IQCH: variants seen among roughly 807,000 people sequenced by gnomAD.
IQCH encodes the protein IQ motif containing H.
IQCH carries 98 observed loss-of-function variants against 117.0 expected under a neutral mutation model. That is an observed-to-expected ratio of 0.84 (90% CI 0.71 to 0.99). IQCH has a LOEUF of 0.99. Among genes scored for constraint, IQCH ranks in the 50% least tolerant of loss-of-function variants. The pLI, the probability that IQCH is intolerant of heterozygous loss-of-function variation, is 0.00. For synonymous variants in IQCH, 412 were observed against 448.2 expected (o/e 0.92, Z 1.02); for missense variants, 1,102 against 1,243.8 (o/e 0.89, Z 1.72).
intron 4 of IQCH, among the ~76,000 whole-genome samples, chr15:67,320,880 C>T (rs947276881): frequency 6.6e-6 from 1 of 152,072 alleles, no homozygotes; most frequent in Non-Finnish European, 1.5e-5. Flanking sequence ...TAAAGATAGT[C>T]AGACTGATTT....
In IQCH at chr15:67,461,047, G is replaced by C. The variant is rs557404213; in HGVS notation, c.2506-4080G>C. On this transcript the variant is annotated intron_variant, in intron 16 of 20. Transcript: ENST00000335894. ...AAGAGTACCTAGTGCTGAGAGATTA[G>C]ATTCTAAAGTTACCATCAGAGTCCC... 1.8e-4 allele frequency among the ~76,000 whole-genome samples: 28 copies of C among 152,290 alleles called. 1 individual carries two copies. Among genetic ancestry groups the C allele is most frequent in the Admixed American group, 1.6e-3 (25 of 15,298 alleles).
rs112706145 is a variant in IQCH at position 67,351,743 on chromosome 15, G to C, written c.638-5602G>C. Among the ~76,000 whole-genome samples the C allele has an allele frequency of 5.7e-3, 864 of 151,998 alleles. 7 individuals are homozygous for C. The highest frequency in any genetic ancestry group is 0.02 in the African/African-American group (816 of 41,442). On this transcript the variant is annotated intron_variant, in intron 6 of 20. Transcript: ENST00000335894. ...ACTGTCCTTCATTATCTCTATAATTGCTTTTTAGCATAAATAGCATTTTGT... is the reference window on the plus strand; with the variant it reads ...ACTGTCCTTCATTATCTCTATAATTCCTTTTTAGCATAAATAGCATTTTGT...
chr15:67,283,240 A>G (rs1966435440), intron 4 of IQCH, among the ~76,000 whole-genome samples: 1 of 152,180 alleles, frequency 6.6e-6, no homozygotes, highest in African/African-American at 2.4e-5. Flanking sequence ...ACCCAATCCC[A>G]TGAGGCAACC....
At chr15:67,379,930 G>A (rs1018857644) in intron 10 of IQCH, among the ~76,000 whole-genome samples, 14 of 151,924 alleles carry the variant, frequency 9.2e-5, no homozygotes, top group East Asian at 3.9e-4. Flanking sequence ...TCAGCTCACC[G>A]CAACCTCCGC....
In IQCH at chr15:67,370,762, A is replaced by G. The variant is rs41357746; in HGVS notation, c.754-1349A>G. Among the ~76,000 whole-genome samples the G allele has an allele frequency of 0.44, 67,653 of 152,106 alleles. 15,575 individuals carry two copies. The highest frequency in any genetic ancestry group is 0.52 in the Non-Finnish European group (35,399 of 67,966). On this transcript the variant is annotated intron_variant, in intron 8 of 20. Coordinates refer to ENST00000335894, the MANE Select transcript of IQCH (RefSeq NM_001031715.3). This position sits in a 1 kb window ranked among gnomAD's most constrained non-coding sequence, Gnocchi z 5.6. Reference sequence around the variant, plus strand: ...CAAGTTAAAAGTACACAAAAAGCTCACTGCTGTTTAAAGTCTGCTTCTAAA... The same window carrying G: ...CAAGTTAAAAGTACACAAAAAGCTCGCTGCTGTTTAAAGTCTGCTTCTAAA...
intron 14 of IQCH, among the ~76,000 whole-genome samples, chr15:67,410,171 C>A (rs2081411549): frequency 6.6e-6 from 1 of 152,194 alleles, no homozygotes; most frequent in East Asian, 1.9e-4. Context: ...CAGGTTGATT[C>A]CCCCATTTGC....
intron 4 of IQCH, among the ~76,000 whole-genome samples, chr15:67,304,734 T>G (rs1967215013): frequency 6.6e-6 from 1 of 152,144 alleles, no homozygotes; most frequent in Admixed American, 6.6e-5. Context: ...GGAAATAATT[T>G]ACCAGCAAAA....
rs73485290 is a variant in IQCH at position 67,433,226 on chromosome 15, A to G, written c.2505+11649A>G. Among the ~76,000 whole-genome samples the G allele has an allele frequency of 6.6e-6, 1 of 152,362 alleles. No homozygotes were observed. The highest frequency in any genetic ancestry group is 1.5e-5 in the Non-Finnish European group (1 of 68,032). The stretch of plus-strand genomic sequence containing the variant: ...ATCTTTGTGTCAATGAAAGAGACCT[A>G]TAATATGCAAGTAATAGTAATGATG... On this transcript the variant is annotated intron_variant, in intron 16 of 20. Coordinates refer to ENST00000335894, the MANE Select transcript of IQCH (RefSeq NM_001031715.3). This position sits in a 1 kb window ranked among gnomAD's most constrained non-coding sequence, Gnocchi z 5.4.
intron 4 of IQCH, chr15:67,282,343 T>C (rs1296694545): frequency 6.6e-6 from 1 of 151,474 alleles, no homozygotes. Flanking sequence ...TAATTGCTAT[T>C]ATTGTTCTGG....
At position 67,401,386 on chromosome 15, in the gene IQCH, G is replaced by A. The variant is rs1188376306; in HGVS notation, c.2097+1081G>A. Reference sequence around the variant, plus strand: ...TCTCTTAATCCCAAATATCTGTTTTGGCTGACCTGCTGGTTAAAGCATAAC... The same window carrying A: ...TCTCTTAATCCCAAATATCTGTTTTAGCTGACCTGCTGGTTAAAGCATAAC... On this transcript the variant is annotated intron_variant, in intron 14 of 20. Transcript: ENST00000335894. The surrounding 1 kb of genome is among the most constrained non-coding windows in gnomAD (Gnocchi z 4.7). Among the ~76,000 whole-genome samples the A allele has an allele frequency of 6.6e-6, 1 of 152,072 alleles. No homozygotes were observed. Among genetic ancestry groups the A allele is most frequent in the African/African-American group, 2.4e-5 (1 of 41,374 alleles).
intron 1 of IQCH, among the ~76,000 whole-genome samples, chr15:67,255,971 A>G (rs1965165695): frequency 6.6e-6 from 1 of 152,156 alleles, no homozygotes; most frequent in Non-Finnish European, 1.5e-5. Flanking sequence ...TCCACAAAAA[A>G]CTGCCCTAAC....
At chr15:67,397,114 C>G (rs911007024) in intron 13 of IQCH, among the ~76,000 whole-genome samples, 3 of 152,190 alleles carry the variant, frequency 2.0e-5, no homozygotes, top group Non-Finnish European at 4.4e-5. Flanking sequence ...ATACTTATTA[C>G]AAGCAAAATA....
At chr15:67,444,710 C>T (rs1283466914) in intron 16 of IQCH, among the ~76,000 whole-genome samples, 1 of 152,082 alleles carries the variant, frequency 6.6e-6, no homozygotes, top group Non-Finnish European at 1.5e-5. Flanking sequence ...GATAAAATGC[C>T]ATCTCACATT....
At position 67,407,619 on chromosome 15, in the gene IQCH, C is replaced by T. The variant is rs928981523; in HGVS notation, c.2097+7314C>T. On this transcript the variant is annotated intron_variant, in intron 14 of 20. Transcript: ENST00000335894. This position sits in a 1 kb window ranked among gnomAD's most constrained non-coding sequence, Gnocchi z 5.3. ...CCTATTGATTTAATATGCTTCTAAT[C>T]AGTACATAAAGCTATGGGCCTGCAG... 1 of 152,154 alleles carries T rather than the reference C, an allele frequency of 6.6e-6. No individual in the cohort carries two copies. Among genetic ancestry groups the T allele is most frequent in the Admixed American group, 6.5e-5 (1 of 15,286 alleles). 9.4% of individuals were successfully genotyped at this position (152,154 alleles called of 1,614,324 possible).
At chr15:67,368,238 G>A (rs1025241810) in intron 8 of IQCH, among the ~76,000 whole-genome samples, 1 of 152,204 alleles carries the variant, frequency 6.6e-6, no homozygotes, top group Non-Finnish European at 1.5e-5. Context: ...AAAGGCAAGG[G>A]CAGTGACCTT....
At position 67,287,573 on chromosome 15, in the gene IQCH, G is replaced by A. The variant is rs568546660; in HGVS notation, c.387+8061G>A. Among the ~76,000 whole-genome samples, 46 of 151,450 alleles carry A rather than the reference G, an allele frequency of 3.0e-4. No homozygotes were observed. In the South Asian group the frequency reaches 8.9e-3, roughly 29 times the overall value. ...TATTGGCATATAATTCCTCATAGAA[G>A]CCACTAATGATCTTTTGAATTTCTG... On this transcript the variant is annotated intron_variant, in intron 4 of 20. Coordinates refer to ENST00000335894, the MANE Select transcript of IQCH (RefSeq NM_001031715.3).
Position 67,389,014 on chromosome 15 carries a change from T to G in IQCH, c.1632+8T>G. 1.2e-6 allele frequency: 2 copies of G among 1,608,524 alleles called. No homozygotes were observed. Among genetic ancestry groups the G allele is most frequent in the South Asian group, 2.2e-5 (2 of 90,614 alleles). On this transcript the variant is annotated splice_region_variant and intron_variant, in intron 12 of 20. Coordinates refer to ENST00000335894, the MANE Select transcript of IQCH (RefSeq NM_001031715.3). ...GCTGTAAACATCTTCCCTGTGAGTT[T>G]GTGTTCTAATTACTATGGTTTCAGG...
In IQCH at chr15:67,357,367, A is replaced by T. The variant is rs746526010; in HGVS notation, c.660A>T (p.Glu220Asp). The stretch of plus-strand genomic sequence containing the variant: ...CAGCCACTTTCACTATACCTCGGGA[A>T]CCACCTCCATCTCCAGCAGAAGTGA... ...PTVATFTIPR[E>D]PPPSPAEVKF... Residue 220 changes from glutamate (E) to aspartate (D), a missense_variant, in exon 7 of 21, where the codon GAA (glutamate) becomes GAT (aspartate). Around this residue, in one of 2 missense-constraint regions of IQCH, gnomAD observed 452 missense variants for 449.6 expected, o/e 1.01. Transcript: ENST00000335894. 3 of 1,610,630 alleles carry T rather than the reference A, an allele frequency of 1.9e-6. No homozygotes were observed. The highest frequency in any genetic ancestry group is 2.5e-6 in the Non-Finnish European group (3 of 1,176,740).
chr15:67,275,254 T>C (rs1312065598), intron 3 of IQCH, among the ~76,000 whole-genome samples: 2 of 152,324 alleles, frequency 1.3e-5, no homozygotes, highest in East Asian at 1.9e-4. Context: ...GATCTCACTT[T>C]AGAATTCTAG....
Sources: gnomAD v4.1 joint callset for allele counts (sites outside exome capture counted in the v4.1 genomes callset) on GRCh38, gnomAD v4.1.1 for gene constraint, gnomAD v4.1.1 regional missense constraint, Gnocchi (gnomAD v3.1) non-coding constraint, MANE v1.5 for transcripts, NCBI Gene and HGNC (gene_info 2026-07-23, HGNC 2026-07-21) for gene names.